The following SCD5 variants were observed in gnomAD, a reference collection of about 807,000 sequenced individuals.
SCD5 encodes acyl-CoA-desaturase 4.
SCD5 carries 20 observed loss-of-function variants against 30.4 expected under a neutral mutation model. The observed-to-expected ratio is 0.66, with a 90% CI of 0.46 to 0.96. The LOEUF (loss-of-function observed/expected upper bound fraction) is 0.96, where lower values mean the gene tolerates loss of function less well. Among genes scored for constraint, SCD5 ranks in the 40% least tolerant of loss-of-function variants. SCD5 has a pLI of 0.00. For missense variants in SCD5, 381 were observed against 443.3 expected, an observed-to-expected ratio of 0.86 and a Z score of 1.26; for synonymous variants, 173 against 176.4, an observed-to-expected ratio of 0.98 and a Z score of 0.16.
chr4:82,768,555 G>C (rs773369902), intron 1 of SCD5, among the ~76,000 whole-genome samples: 14 of 152,146 alleles, frequency 9.2e-5, no homozygotes, highest in Non-Finnish European at 1.5e-5. Flanking sequence ...CAGAGCAAGA[G>C]TTATATGAAT....
At chr4:82,639,375 A>T (rs1358521709) in intron 3 of SCD5, among the ~76,000 whole-genome samples, 1 of 152,214 alleles carries the variant, frequency 6.6e-6, no homozygotes, top group Non-Finnish European at 1.5e-5. Flanking sequence ...AGAAGGCAGC[A>T]CTGGGTGGAG....
chr4:82,633,935 C>T (rs746864997), intron 4 of SCD5, among the ~76,000 whole-genome samples: 13 of 152,204 alleles, frequency 8.5e-5, no homozygotes, highest in Non-Finnish European at 1.9e-4. Context: ...CTCCTACTCC[C>T]TCCCAGTCCT....
At chr4:82,751,407 G>A (rs1212975890) in intron 1 of SCD5, among the ~76,000 whole-genome samples, 6 of 152,138 alleles carry the variant, frequency 3.9e-5, no homozygotes, top group Non-Finnish European at 7.3e-5. Context: ...CGACATTCAT[G>A]GGGACATTTA....
Position 82,705,345 on chromosome 4 carries a change from A to G in SCD5, c.301T>C (p.Ser101Pro). ...CTCAGAGGCAGCTTGGCCCGGTAGG[A>G]CCTGTGGCTCCACAAGCGATGGGCA... ...AGAHRLWSHR[S>P]YRAKLPLRIF... The change falls in exon 2 of 5, where the codon TCC (serine) becomes CCC (proline). Residue 101 changes from serine to proline, a missense_variant. Transcript: ENST00000319540. The G allele has an allele frequency of 6.2e-7, 1 of 1,614,212 alleles. No homozygotes were observed. Among genetic ancestry groups the G allele is most frequent in the Middle Eastern group, 1.6e-4 (1 of 6,062 alleles).
intron 1 of SCD5, among the ~76,000 whole-genome samples, chr4:82,749,209 C>T (rs1721051325): frequency 6.6e-6 from 1 of 152,176 alleles, no homozygotes; most frequent in African/African-American, 2.4e-5. Context: ...AGAGAGTAAA[C>T]TCTAGGGAGT....
rs189210075 is a variant in SCD5 at position 82,798,770 on chromosome 4, G to A, written c.-233C>T. The A allele has an allele frequency of 2.7e-3, 1,332 of 490,192 alleles. 23 individuals carry two copies. The highest frequency in any genetic ancestry group is 0.025 in the African/African-American group (1,231 of 48,708). The allele number at this position is 490,192 out of a possible 1,614,324, so 30.4% of individuals were successfully genotyped here. ...CTGTTGCTGGCGTATCCCCCATATG[G>A]CTGCCCGGGCTGAACTCGGCCGCGA... On this transcript the variant is annotated 5_prime_UTR_variant, in exon 1 of 5. Coordinates refer to ENST00000319540, the MANE Select transcript of SCD5 (RefSeq NM_001037582.3).
At position 82,631,395 on chromosome 4, in the gene SCD5, C is replaced by T. The variant is rs746658152; in HGVS notation, c.925G>A (p.Asp309Asn). Residue 309 changes from aspartate (D) to asparagine (N), a missense_variant, in exon 5 of 5, where the codon GAC (aspartate) becomes AAC (asparagine). Asp to Asn is a conservative substitution (Grantham distance 23). Transcript: ENST00000319540. ...DFMCWLGLAT[D>N]RKRATKPMIE... is the part of the protein sequence containing the mutation. ...ATCGGCTTGGTTGCCCGTTTGCGGT[C>T]AGTGGCCAGCCCCAGCCAGCACATG... The T allele has an allele frequency of 1.2e-5, 20 of 1,613,968 alleles. No individual in the cohort carries two copies. In the East Asian group the frequency reaches 4.0e-4, roughly 32 times the overall value.
chr4:82,664,237 TA>T (rs1402439012), intron 3 of SCD5, among the ~76,000 whole-genome samples: 3 of 152,148 alleles, frequency 2.0e-5, no homozygotes, highest in African/African-American at 7.2e-5. Context: ...GCACTAAGGA[TA>T]ATAATAGCAG....
At chr4:82,681,207 C>G (rs2148821544) in intron 2 of SCD5, among the ~76,000 whole-genome samples, 1 of 152,192 alleles carries the variant, frequency 6.6e-6, no homozygotes, top group Middle Eastern at 3.4e-3. Context: ...AAGGAAAGCT[C>G]TGGTGGGGGC....
intron 1 of SCD5, among the ~76,000 whole-genome samples, chr4:82,746,814 T>TTAA (rs1720992805): frequency 6.6e-6 from 1 of 152,114 alleles, no homozygotes; most frequent in Admixed American, 6.5e-5. Flanking sequence ...CCCTTGGTCC[T>TTAA]GCGCCCATGG....
At position 82,773,321 on chromosome 4, in the gene SCD5, T is replaced by C. The variant is rs1393182360; in HGVS notation, c.232+24985A>G. ...CCACACCACACATCCTCCCCATTCCTTCTCTCTCTGCCTCTCTCTCACTTC... is the reference window on the plus strand; with the variant it reads ...CCACACCACACATCCTCCCCATTCCCTCTCTCTCTGCCTCTCTCTCACTTC... On this transcript the variant is annotated intron_variant, in intron 1 of 4. Coordinates refer to ENST00000319540, the MANE Select transcript of SCD5 (RefSeq NM_001037582.3). 3.3e-5 allele frequency among the ~76,000 whole-genome samples: 5 copies of C among 152,296 alleles called. No homozygotes were observed. The South Asian group carries it at 1.0e-3, about 32-fold the overall frequency.
At chr4:82,770,430 G>T (rs930377011) in intron 1 of SCD5, among the ~76,000 whole-genome samples, 1 of 152,142 alleles carries the variant, frequency 6.6e-6, no homozygotes, top group Non-Finnish European at 1.5e-5. Context: ...CTGATCATCC[G>T]CTTAACCACT....
At chr4:82,716,295 C>A (rs909953729) in intron 1 of SCD5, among the ~76,000 whole-genome samples, 1 of 151,850 alleles carries the variant, frequency 6.6e-6, no homozygotes, top group Non-Finnish European at 1.5e-5. Context: ...CACAGGGAAT[C>A]TGGAACTGCC....
intron 1 of SCD5, among the ~76,000 whole-genome samples, chr4:82,785,749 C>T (rs559329969): frequency 2.0e-5 from 3 of 152,296 alleles, no homozygotes; most frequent in Admixed American, 1.3e-4. Context: ...ATGACTCACC[C>T]ACTCTTCAAT....
At chr4:82,720,806 T>C (rs961342618) in intron 1 of SCD5, among the ~76,000 whole-genome samples, 10 of 152,200 alleles carry the variant, frequency 6.6e-5, no homozygotes, top group Admixed American at 2.6e-4. Flanking sequence ...CAATGCTTAG[T>C]AGATAAAGGG....
intron 3 of SCD5, among the ~76,000 whole-genome samples, chr4:82,677,644 T>G (rs565924060): frequency 2.1e-4 from 32 of 152,236 alleles, no homozygotes; most frequent in Non-Finnish European, 3.5e-4. Flanking sequence ...TATTTTGGAT[T>G]ACGGATCTCT....
rs539845177 is a variant in SCD5 at position 82,631,468 on chromosome 4, C to G, written c.852G>C (p.Ala284=). ...YHHTFPFDYS[A]SEFGLNFNPT... ...GGTTAAAATTTAAGCCAAATTCACT[C>G]GCAGAGTAGTCAAAGGGAAAGGTGT... The change falls in exon 5 of 5, where the codon GCG becomes GCC. Residue 284 remains alanine, a synonymous_variant. Transcript: ENST00000319540. 3.7e-6 allele frequency: 6 copies of G among 1,614,116 alleles called. No homozygotes were observed. The highest frequency in any genetic ancestry group is 3.3e-5 in the South Asian group (3 of 91,074).
At chr4:82,702,391 C>T (rs980272665) in intron 2 of SCD5, among the ~76,000 whole-genome samples, 4 of 151,908 alleles carry the variant, frequency 2.6e-5, no homozygotes, top group South Asian at 4.2e-4. Flanking sequence ...GTGATCCACT[C>T]GCCTCGGCCT....
At chr4:82,739,880 T>C (rs1447638364) in intron 1 of SCD5, among the ~76,000 whole-genome samples, 2 of 152,166 alleles carry the variant, frequency 1.3e-5, no homozygotes, top group African/African-American at 4.8e-5. Context: ...ACTTGATGTG[T>C]TTAAAATCTA....
Sources: gnomAD v4.1 joint callset for allele counts (sites outside exome capture counted in the v4.1 genomes callset) on GRCh38, gnomAD v4.1.1 for gene constraint, MANE v1.5 for transcripts, NCBI Gene and HGNC (gene_info 2026-07-23, HGNC 2026-07-21) for gene names.